The following SH3TC1 variants were observed in gnomAD, a reference collection of about 807,000 sequenced individuals.
The protein encoded by SH3TC1 is SH3 domain and tetratricopeptide repeats 1.
SH3TC1 carries 135 observed loss-of-function variants against 117.3 expected under a neutral mutation model. The ratio of observed to expected loss-of-function variants is 1.15; its 90% CI spans 1.00 to 1.33. SH3TC1 has a LOEUF of 1.33. Ranked by LOEUF, SH3TC1 falls within the 40% of genes most tolerant of loss-of-function variation. The probability of loss-of-function intolerance (pLI) is 0.00; values close to 1 mark genes in which losing one functional copy is unlikely to be tolerated. For synonymous variants in SH3TC1, 898 were observed against 816.9 expected (o/e 1.10, Z -1.69); for missense variants, 2,092 against 1,794.3 (o/e 1.17, Z -3.00).
rs753617459 is a variant in SH3TC1, at chr4:8,235,566, C to A, written c.3405+11C>A. ...GTGTCCTTCTACCGGGTGAGCTGGCCTGTGGGCTGATGTGGGTGGGCCCCA... is the reference window on the plus strand; with the variant it reads ...GTGTCCTTCTACCGGGTGAGCTGGCATGTGGGCTGATGTGGGTGGGCCCCA... On this transcript the variant is annotated intron_variant, in intron 15 of 17. Transcript: ENST00000245105. 1.6e-5 allele frequency: 26 copies of A among 1,584,600 alleles called. No homozygotes were observed. The highest frequency in any genetic ancestry group is 2.1e-5 in the Non-Finnish European group (25 of 1,163,810).
At chr4:8,237,909 T>C (rs975334344) in intron 17 of SH3TC1, among the ~76,000 whole-genome samples, 2 of 151,864 alleles carry the variant, frequency 1.3e-5, no homozygotes, top group Non-Finnish European at 2.9e-5. Context: ...GAGTGGGCAA[T>C]GGTGGCCTCT....
chr4:8,235,159 G>T (rs1721688010), intron 14 of SH3TC1, among the ~76,000 whole-genome samples: 1 of 152,240 alleles, frequency 6.6e-6, no homozygotes, highest in East Asian at 1.9e-4. Context: ...TGGTTTGAGT[G>T]CAGGGGGAGT....
At position 8,205,001 on chromosome 4, in the gene SH3TC1, C is replaced by A. The variant is rs528477834; in HGVS notation, c.-28-166C>A. The A allele has an allele frequency of 8.5e-6, 4 of 470,500 alleles. 1 individual carries two copies. In the East Asian group the frequency reaches 1.4e-4, roughly 16 times the overall value. The allele number at this position is 470,500 out of a possible 1,614,324, so 29.1% of individuals were successfully genotyped here. The stretch of plus-strand genomic sequence containing the variant: ...GAGGCGCAGCAGCGGTGCGGGATCA[C>A]GCCCACCACAACACGGTGCACGGTG... On this transcript the variant is annotated intron_variant, in intron 1 of 17. Coordinates refer to ENST00000245105, the MANE Select transcript of SH3TC1 (RefSeq NM_018986.5). The surrounding 1 kb of genome is among the most constrained non-coding windows in gnomAD (Gnocchi z 5.4).
Position 8,227,824 on chromosome 4 carries a change from C to T in SH3TC1, c.2130C>T (p.Tyr710=), listed in dbSNP as rs201128171. ...APEAAWLSDC[Y]LLLADIYSRK... is the part of the protein sequence containing the mutation. The stretch of plus-strand genomic sequence containing the variant: ...AGGCCGCGTGGCTCTCAGACTGCTA[C>T]CTACTCCTGGCTGACATCTACAGCC... The change falls in exon 12 of 18, where the codon TAC becomes TAT. Residue 710 remains tyrosine, a synonymous_variant. Coordinates refer to ENST00000245105, the MANE Select transcript of SH3TC1 (RefSeq NM_018986.5). 33 of 1,612,798 alleles carry T rather than the reference C, an allele frequency of 2.0e-5. No homozygotes were observed. In the Admixed American group the frequency reaches 5.5e-4, roughly 27 times the overall value.
intron 1 of SH3TC1, among the ~76,000 whole-genome samples, chr4:8,193,141 C>T (rs1368759527): frequency 6.6e-6 from 1 of 152,216 alleles, no homozygotes; most frequent in Non-Finnish European, 1.5e-5. Context: ...AAATACGCAT[C>T]CCCCGGCCCT....
chr4:8,205,639 C>A lies in SH3TC1; in HGVS notation c.172+273C>A. ...AAACTGGCAAAGAACGAGGCAGGGG[C>A]CTTTGAACCCCCATGTTCAGAGACC... On this transcript the variant is annotated intron_variant, in intron 2 of 17. Coordinates refer to ENST00000245105, the MANE Select transcript of SH3TC1 (RefSeq NM_018986.5). This position sits in a 1 kb window ranked among gnomAD's most constrained non-coding sequence, Gnocchi z 5.4. 1 of 765,912 alleles carries A rather than the reference C, an allele frequency of 1.3e-6. No homozygotes were observed. Among genetic ancestry groups the A allele is most frequent in the Non-Finnish European group, 2.4e-6 (1 of 418,756 alleles). The allele number at this position is 765,912 out of a possible 1,614,324, so 47.4% of individuals were successfully genotyped here.
At position 8,237,508 on chromosome 4, in the gene SH3TC1, G is replaced by A. The variant is rs74479723; in HGVS notation, c.3591G>A (p.Arg1197=). 3.8e-4 allele frequency: 610 copies of A among 1,602,726 alleles called. 2 individuals are homozygous for A. The African/African-American group carries it at 7.3e-3, about 19-fold the overall frequency. The change falls in exon 17 of 18, where the codon CGG becomes CGA. Residue 1197 remains arginine (R), a synonymous_variant. Coordinates refer to ENST00000245105, the MANE Select transcript of SH3TC1 (RefSeq NM_018986.5). ...TGAACGAGCGCGTGGCCTACCACCG[G>A]CTGGCCGCCCTGCAACACCGACTGG... ...DRLNERVAYH[R]LAALQHRLGH... is the part of the protein sequence containing the mutation.
chr4:8,182,491 G>C (rs746971895), intron 1 of SH3TC1, among the ~76,000 whole-genome samples: 1 of 152,196 alleles, frequency 6.6e-6, no homozygotes, highest in African/African-American at 2.4e-5. Context: ...CAGGGTGGCA[G>C]GATGAGGTGG....
At position 8,210,986 on chromosome 4, in the gene SH3TC1, C is replaced by G. The variant is rs1253537647; in HGVS notation, c.247+1164C>G. ...TGTGAGAATCCATCTCTGTCTCTGT[C>G]TCATTTCCATCTGTCTCTCCCTCCC... On this transcript the variant is annotated intron_variant, in intron 3 of 17. Transcript: ENST00000245105. This position sits in a 1 kb window ranked among gnomAD's most constrained non-coding sequence, Gnocchi z 4.1. Among the ~76,000 whole-genome samples the G allele has an allele frequency of 6.6e-6, 1 of 151,752 alleles. No individual in the cohort carries two copies. Among genetic ancestry groups the G allele is most frequent in the African/African-American group, 2.4e-5 (1 of 41,124 alleles).
At chr4:8,215,961 C>A in intron 5 of SH3TC1, 150 bp from the exon 6 acceptor site, 1 of 966,262 alleles carries the variant, frequency 1.0e-6, no homozygotes, top group Non-Finnish European at 1.5e-6. Flanking sequence ...GTGTAGCCAG[C>A]ACTGTGGGCA....
In SH3TC1 at chr4:8,190,206, C is replaced by T. The variant is rs1046641749; in HGVS notation, c.-57+7996C>T. Among the ~76,000 whole-genome samples, 4 of 152,202 alleles carry T rather than the reference C, an allele frequency of 2.6e-5. No individual in the cohort carries two copies. Among genetic ancestry groups the T allele is most frequent in the Admixed American group, 1.3e-4 (2 of 15,290 alleles). ...CTGCAGGAATCCCCCTTGGAGCCCT[C>T]CTCCCCTCTGCCTGCTGTGACCTCA... On this transcript the variant is annotated intron_variant, in intron 1 of 16. Transcript: ENST00000508641. This position sits in a 1 kb window ranked among gnomAD's most constrained non-coding sequence, Gnocchi z 4.7.
intron 7 of SH3TC1, among the ~76,000 whole-genome samples, chr4:8,217,765 C>T (rs1257929446): frequency 6.6e-6 from 1 of 152,236 alleles, no homozygotes; most frequent in African/African-American, 2.4e-5. Flanking sequence ...ACAGGGGACA[C>T]TGAGAGTGTT....
chr4:8,214,687 T>C (rs1719072700), intron 5 of SH3TC1, 107 bp downstream of exon 5: 1 of 882,342 alleles, frequency 1.1e-6, no homozygotes, highest in East Asian at 2.6e-5. Context: ...TATTTATTTA[T>C]TGATGTATTG....
rs1578656267 is a variant in SH3TC1 at position 8,205,923 on chromosome 4, A to G, written c.172+557A>G. On this transcript the variant is annotated intron_variant, in intron 2 of 17. Transcript: ENST00000245105. This position sits in a 1 kb window ranked among gnomAD's most constrained non-coding sequence, Gnocchi z 5.4. ...AAGGGGACGAGGGGAGAGGCAGGGG[A>G]GACCAAGGCCTGCACGGCCCCTCCC... 2.0e-6 allele frequency: 1 copy of G among 509,432 alleles called. No individual in the cohort carries two copies. Among genetic ancestry groups the G allele is most frequent in the Non-Finnish European group, 3.5e-6 (1 of 285,492 alleles). 31.6% of individuals were successfully genotyped at this position (509,432 alleles called of 1,614,324 possible). A position where few individuals can be genotyped will look rare whatever the true frequency, so the allele number is the denominator to read the frequency against.
In SH3TC1 at chr4:8,212,875, G is replaced by T. The variant is rs572093415; in HGVS notation, c.375+47G>T. 3.3e-6 allele frequency: 5 copies of T among 1,498,114 alleles called. No homozygotes were observed. The East Asian group carries it at 1.2e-4, about 37-fold the overall frequency. The allele number at this position is 1,498,114 out of a possible 1,614,324, so 92.8% of individuals were successfully genotyped here. ...GCTCAGGGATGGGAGCTGGAGTCAG[G>T]GGGAGGGAGGGGCTGAGGTGCAGTG... On this transcript the variant is annotated intron_variant, in intron 4 of 17. Transcript: ENST00000245105.
rs745585190 is a variant in SH3TC1 at position 8,216,969 on chromosome 4, T to A, written c.641T>A (p.Val214Asp). ...SLLIQEGPFF[V>D]LCPDHHVRVM... Reference sequence around the variant, plus strand: ...CATCCTTTTGAAGGGCCCTTCTTTGTCCTGTGTCCTGACCACCATGTGAGA... The same window carrying A: ...CATCCTTTTGAAGGGCCCTTCTTTGACCTGTGTCCTGACCACCATGTGAGA... The change falls in exon 7 of 18, where the codon GTC becomes GAC. Residue 214 changes from valine to aspartate, a missense_variant. Transcript: ENST00000245105. 18 of 1,613,936 alleles carry A rather than the reference T, an allele frequency of 1.1e-5. No homozygotes were observed. The South Asian group carries it at 1.9e-4, about 17-fold the overall frequency.
chr4:8,192,711 C>G lies in SH3TC1; in HGVS notation c.-57+10501C>G, dbSNP rs1036848470. On this transcript the variant is annotated intron_variant, in intron 1 of 16. Coordinates refer to the SH3TC1 transcript ENST00000508641. The surrounding 1 kb of genome is among the most constrained non-coding windows in gnomAD (Gnocchi z 4.1). ...GTTTCACTGTGTTGGTCAGGCTGGT[C>G]TCAAACTCCTGACCTCGTGATCCAC... Among the ~76,000 whole-genome samples, 4 of 151,996 alleles carry G rather than the reference C, an allele frequency of 2.6e-5. No individual in the cohort carries two copies. The highest frequency in any genetic ancestry group is 9.7e-5 in the African/African-American group (4 of 41,384).
chr4:8,191,991 ATTTATTTATTATTTT>A (rs1717431623), intron 1 of SH3TC1, among the ~76,000 whole-genome samples: 1 of 32,836 alleles, frequency 3.0e-5, no homozygotes, highest in Non-Finnish European at 8.1e-5. Flanking sequence ...TTATTTATTT[ATTTATTTATTATTTT>A]TGAGACGGAG....
chr4:8,226,568 C>T (rs1343758960), intron 11 of SH3TC1, among the ~76,000 whole-genome samples: 2 of 152,222 alleles, frequency 1.3e-5, no homozygotes, highest in Non-Finnish European at 2.9e-5. Context: ...AGTATGCTGA[C>T]AAAAATTACA....
Sources: allele counts gnomAD v4.1 joint callset (sites outside exome capture counted in the v4.1 genomes callset), GRCh38; gene constraint gnomAD v4.1.1; non-coding constraint Gnocchi (gnomAD v3.1); transcripts MANE v1.5; gene names NCBI Gene and HGNC (gene_info 2026-07-23, HGNC 2026-07-21).